Variants in MUS81 observed in about 807,000 individuals in gnomAD.
The protein encoded by MUS81 is structure-specific endonuclease subunit MUS81.
In MUS81, 69 loss-of-function variants were observed where a neutral mutation model predicts 74.2. The ratio of observed to expected loss-of-function variants is 0.93; its 90% CI spans 0.77 to 1.14. MUS81 has a LOEUF of 1.14. MUS81 is among the 50% of genes most tolerant of loss of function. MUS81 has a pLI of 0.00. For missense variants in MUS81, 711 were observed against 726.5 expected (o/e 0.98, Z 0.25); for synonymous variants, 303 against 300.6 (o/e 1.01, Z -0.08).
Position 65,861,383 on chromosome 11 carries a change from A to G in MUS81, c.299A>G (p.Asn100Ser), listed in dbSNP as rs900168509. 7.5e-6 allele frequency: 12 copies of G among 1,603,372 alleles called. No individual in the cohort carries two copies. Among genetic ancestry groups the G allele is most frequent in the Non-Finnish European group, 1.0e-5 (12 of 1,173,944 alleles). The change falls in exon 3 of 16, where the codon AAC becomes AGC. Residue 100 changes from asparagine (N) to serine (S), a missense_variant. Coordinates refer to ENST00000308110, the MANE Select transcript of MUS81 (RefSeq NM_025128.5). ...DHAPDSPSGE[N>S]SPAPQGRLAE... ...GCCCCGGACTCACCATCTGGAGAGA[A>G]CAGTCCAGCCCCGCAGGGGCGACTT...
chr11:65,861,729 G>A, intron 3 of MUS81: 1 of 610,120 alleles, frequency 1.6e-6, no homozygotes, highest in South Asian at 2.0e-5. Flanking sequence ...CATGGTAGAA[G>A]TGAGGCCAGG....
chr11:65,861,320 G>T lies in MUS81; in HGVS notation c.266-30G>T, dbSNP rs754765533. ...TCCTCGCAGCTGCCGGATTCGTGGA[G>T]TGTGGAGTTAACTCTTTTCTCTCCC... On this transcript the variant is annotated intron_variant, in intron 2 of 15. Coordinates refer to ENST00000308110, the MANE Select transcript of MUS81 (RefSeq NM_025128.5). 23 of 1,567,374 alleles carry T rather than the reference G, an allele frequency of 1.5e-5. 1 individual carries two copies. In the South Asian group the frequency reaches 1.7e-4, roughly 12 times the overall value.
At position 65,863,915 on chromosome 11, in the gene MUS81, C is replaced by T. The variant is rs756627027; in HGVS notation, c.1059+14C>T. On this transcript the variant is annotated intron_variant, in intron 10 of 15. Transcript: ENST00000308110. ...CGGGAGCAGAAGGTAATTTTGCTGG[C>T]TTTGCCAGGCTTCCCTGCCTGCTCC... is the stretch of plus-strand genomic sequence containing the variant. 6 of 1,613,042 alleles carry T rather than the reference C, an allele frequency of 3.7e-6. 1 individual carries two copies. The highest frequency in any genetic ancestry group is 3.3e-5 in the South Asian group (3 of 91,070).
chr11:65,866,001 T>TC lies in MUS81; in HGVS notation c.1606dup (p.Leu536ProfsTer35). The stretch of plus-strand genomic sequence containing the variant: ...CTTCCTGCAGGAATCTGGGGCCTGC[T>TC]CTGAGCAGGACCTTATCCCAGCTCT... On this transcript the variant is annotated frameshift_variant, in exon 16 of 16. Coordinates refer to ENST00000308110, the MANE Select transcript of MUS81 (RefSeq NM_025128.5). LOFTEE classifies it high-confidence loss of function. 1 of 1,614,054 alleles carries TC rather than the reference T, an allele frequency of 6.2e-7. No homozygotes were observed. The highest frequency in any genetic ancestry group is 1.1e-5 in the South Asian group (1 of 91,078).
chr11:65,863,477 T>C lies in MUS81; in HGVS notation c.814T>C (p.Cys272Arg). ...LRPGEYRVLL[C>R]VDIGETRGGG... ...GCCTGGAGAGTACAGGGTGCTGTTG[T>C]GTGTGGACATTGGCGAGACCCGGGG... The change falls in exon 8 of 16, where the codon TGT (cysteine) becomes CGT (arginine). Residue 272 changes from cysteine (C) to arginine (R), a missense_variant. Coordinates refer to ENST00000308110, the MANE Select transcript of MUS81 (RefSeq NM_025128.5). 6.2e-7 allele frequency: 1 copy of C among 1,613,932 alleles called. No homozygotes were observed. The highest frequency in any genetic ancestry group is 8.5e-7 in the Non-Finnish European group (1 of 1,179,940).
intron 14 of MUS81, 45 bp downstream of exon 14, chr11:65,865,368 A>G: frequency 1.3e-6 from 2 of 1,561,090 alleles, no homozygotes; most frequent in Non-Finnish European, 1.7e-6. Context: ...CCTGCCCTCC[A>G]TGCATGGAAT....
In MUS81 at chr11:65,866,118, C is replaced by G; in HGVS notation, c.*66C>G. ...CAACCCAGGCTAGCCAGCCTTTTAA[C>G]AACATCTTTTGGGGTACAATTAGAA... is the stretch of plus-strand genomic sequence containing the variant. On this transcript the variant is annotated 3_prime_UTR_variant, in exon 16 of 16. Coordinates refer to ENST00000308110, the MANE Select transcript of MUS81 (RefSeq NM_025128.5). The G allele has an allele frequency of 6.8e-7, 1 of 1,468,990 alleles. No individual in the cohort carries two copies. Among genetic ancestry groups the G allele is most frequent in the Admixed American group, 2.0e-5 (1 of 50,858 alleles). 91.0% of individuals were successfully genotyped at this position (1,468,990 alleles called of 1,614,324 possible). A position where few individuals can be genotyped will look rare whatever the true frequency, so the allele number is the denominator to read the frequency against.
Position 65,864,777 on chromosome 11 carries a change from C to T in MUS81, c.1234C>T (p.Leu412=), listed in dbSNP as rs1265642932. Residue 412 remains leucine (L), a synonymous_variant, in exon 12 of 16, where the codon CTG becomes TTG. Coordinates refer to ENST00000308110, the MANE Select transcript of MUS81 (RefSeq NM_025128.5). ...AGACATTAAGGAGTCAGCCGCCTAC[C>T]TGGCCCTCTTGACGCGGGGCCTGCA... is the stretch of plus-strand genomic sequence containing the variant. The part of the protein sequence containing the change: ...TADIKESAAY[L]ALLTRGLQRL... 1 of 1,613,958 alleles carries T rather than the reference C, an allele frequency of 6.2e-7. No individual in the cohort carries two copies. The highest frequency in any genetic ancestry group is 1.6e-4 in the Middle Eastern group (1 of 6,062).
In MUS81 at chr11:65,860,663, G is replaced by A. The variant is rs1156255322; in HGVS notation, c.-91G>A. 4.0e-6 allele frequency: 6 copies of A among 1,516,706 alleles called. No homozygotes were observed. Among genetic ancestry groups the A allele is most frequent in the South Asian group, 1.2e-5 (1 of 83,382 alleles). The allele number at this position is 1,516,706 out of a possible 1,614,324, so 94.0% of individuals were successfully genotyped here. ...CTCGGTCTCCCTCTTCCCCCGCCCC[G>A]CCCTGGGCCAGGTGTTCGAATCCCG... On this transcript the variant is annotated 5_prime_UTR_variant, in exon 1 of 16. Coordinates refer to ENST00000308110, the MANE Select transcript of MUS81 (RefSeq NM_025128.5).
chr11:65,863,980 C>G, intron 10 of MUS81, 79 bp downstream of exon 10: 4 of 1,414,024 alleles, frequency 2.8e-6, no homozygotes, highest in Non-Finnish European at 3.0e-6. Context: ...AGGGGCACTT[C>G]TGGCAGCCTC....
At chr11:65,862,071 C>T (rs775884244) in intron 4 of MUS81, 26 bp downstream of exon 4, 26 of 1,600,420 alleles carry the variant, frequency 1.6e-5, no homozygotes, top group South Asian at 5.5e-5. Flanking sequence ...CACCGGGAGG[C>T]GGAACCATGG....
In MUS81 at chr11:65,866,201, T is replaced by C; in HGVS notation, c.*149T>C. 1.3e-6 allele frequency: 1 copy of C among 742,712 alleles called. No homozygotes were observed. The highest frequency in any genetic ancestry group is 1.9e-5 in the South Asian group (1 of 53,520). The allele number at this position is 742,712 out of a possible 1,614,324, so 46.0% of individuals were successfully genotyped here. A position where few individuals can be genotyped will look rare whatever the true frequency, so the allele number is the denominator to read the frequency against. ...AAGATGCCTAGCCCTGGGGACCTTG[T>C]GAAATACGCAGGAACCAGGGATACC... On this transcript the variant is annotated 3_prime_UTR_variant, in exon 16 of 16. Coordinates refer to ENST00000308110, the MANE Select transcript of MUS81 (RefSeq NM_025128.5).
chr11:65,860,656 C>T lies in MUS81; in HGVS notation c.-98C>T. On this transcript the variant is annotated 5_prime_UTR_variant, in exon 1 of 16. Transcript: ENST00000308110. The stretch of plus-strand genomic sequence containing the variant: ...TCCTGCCCTCGGTCTCCCTCTTCCC[C>T]CGCCCCGCCCTGGGCCAGGTGTTCG... The T allele has an allele frequency of 6.6e-7, 1 of 1,505,972 alleles. No individual in the cohort carries two copies. The highest frequency in any genetic ancestry group is 8.9e-7 in the Non-Finnish European group (1 of 1,122,578). 93.3% of individuals were successfully genotyped at this position (1,505,972 alleles called of 1,614,324 possible).
chr11:65,865,333 A>C lies in MUS81; in HGVS notation c.1505+10A>C, dbSNP rs1337157297. 6.2e-7 allele frequency: 1 copy of C among 1,612,148 alleles called. No individual in the cohort carries two copies. The highest frequency in any genetic ancestry group is 1.7e-5 in the Admixed American group (1 of 59,852). ...ACAGCACCCCTGCCAGGTAGGCCCT[A>C]AAGGGCCCTTAGGTGTCCTCAGCCC... On this transcript the variant is annotated intron_variant, in intron 14 of 15. Coordinates refer to ENST00000308110, the MANE Select transcript of MUS81 (RefSeq NM_025128.5).
chr11:65,867,094 G>A, downstream of MUS81: 2 of 1,613,786 alleles, frequency 1.2e-6, no homozygotes, highest in Non-Finnish European at 1.7e-6. Flanking sequence ...AGGGCAGTGG[G>A]TGGGGGGACA....
intron 12 of MUS81, 48 bp downstream of exon 12, chr11:65,864,863 T>A (rs1859759139): frequency 6.3e-7 from 1 of 1,592,596 alleles, no homozygotes; most frequent in Admixed American, 1.7e-5. Flanking sequence ...CCACAAGGAA[T>A]TCACCTTGCC....
chr11:65,862,205 T>TTTTCTACCATTAGG lies in MUS81; in HGVS notation c.451-4_451-3insTCTACCATTAGGTT. The TTTTCTACCATTAGG allele has an allele frequency of 6.2e-7, 1 of 1,613,420 alleles. No individual in the cohort carries two copies. Among genetic ancestry groups the TTTTCTACCATTAGG allele is most frequent in the Non-Finnish European group, 8.5e-7 (1 of 1,179,956 alleles). On this transcript the variant is annotated splice_polypyrimidine_tract_variant and splice_region_variant and intron_variant, in intron 4 of 15. Transcript: ENST00000308110. Reference sequence around the variant, plus strand: ...GCCTACCCTGTCTTTTCTACCTTGGTTTCAGAATCCTAATGGTCACCACTT... The same window carrying TTTTCTACCATTAGG: ...GCCTACCCTGTCTTTTCTACCTTGGTTTTCTACCATTAGGTTCAGAATCCTAATGGTCACCACTT...
rs148855695 is a variant in MUS81 at position 65,863,646 on chromosome 11, G to T, written c.886G>T (p.Val296Leu). ...ELLRELQRLH[V>L]THTVRKLHVG... ...GCTCCGAGAGCTACAGCGGCTGCAC[G>T]TGACCCACACGGTGCGCAAGCTGCA... Residue 296 changes from valine to leucine, a missense_variant, in exon 9 of 16, where the codon GTG becomes TTG. Val to Leu is a conservative substitution (Grantham distance 32). Transcript: ENST00000308110. The T allele has an allele frequency of 1.9e-6, 3 of 1,614,074 alleles. No homozygotes were observed. The Admixed American group carries it at 5.0e-5, about 27-fold the overall frequency.
chr11:65,865,888 TAC>T lies in MUS81; in HGVS notation c.1585_1586del (p.Gln529GlufsTer41). The T allele has an allele frequency of 1.9e-6, 3 of 1,614,112 alleles. No homozygotes were observed. Among genetic ancestry groups the T allele is most frequent in the East Asian group, 4.5e-5 (2 of 44,882 alleles). On this transcript the variant is annotated frameshift_variant, in exon 15 of 16. Transcript: ENST00000308110. LOFTEE classifies it high-confidence loss of function. Reference sequence around the variant, plus strand: ...CTGAGCACCATTAAGTGTGGGCGTCTACAGAGGTGAGGGCAAGAGACGGAACC... The same window carrying T: ...CTGAGCACCATTAAGTGTGGGCGTCTAGAGGTGAGGGCAAGAGACGGAACC...
Sources: allele counts gnomAD v4.1 joint callset, GRCh38; gene constraint gnomAD v4.1.1; transcripts MANE v1.5; gene names NCBI Gene and HGNC (gene_info 2026-07-23, HGNC 2026-07-21).